Variants in PTPRK observed in about 807,000 individuals in gnomAD.
PTPRK encodes receptor-type tyrosine-protein phosphatase kappa.
Under a neutral mutation model 178.0 loss-of-function variants are expected in PTPRK, and 75 were observed. That is an observed-to-expected ratio of 0.42 (90% CI 0.35 to 0.51). PTPRK has a LOEUF of 0.51. PTPRK is among the 20% of genes least tolerant of loss of function. The pLI is 0.02. For synonymous variants in PTPRK, 637 were observed against 620.6 expected (o/e 1.03, Z -0.39); for missense variants, 1,441 against 1,797.8 (o/e 0.80, Z 3.59).
At chr6:128,022,301 G>A (rs1204293367) in intron 13 of PTPRK, among the ~76,000 whole-genome samples, 2 of 152,110 alleles carry the variant, frequency 1.3e-5, no homozygotes, top group Admixed American at 6.6e-5. Flanking sequence ...AAAACACTGC[G>A]TGTGTTGGTA....
intron 7 of PTPRK, among the ~76,000 whole-genome samples, chr6:128,181,724 G>A (rs551965706): frequency 6.6e-6 from 1 of 152,080 alleles, no homozygotes; most frequent in Non-Finnish European, 1.5e-5. Context: ...GGCCAGTAGT[G>A]GTATTGGTAA....
chr6:128,044,877 C>G (rs1185774326), intron 13 of PTPRK, among the ~76,000 whole-genome samples: 1 of 151,922 alleles, frequency 6.6e-6, no homozygotes, highest in Non-Finnish European at 1.5e-5. Context: ...GTTTCCCCAT[C>G]TGAAATATAA....
At chr6:127,978,430 C>A (rs1327968011) in intron 25 of PTPRK, among the ~76,000 whole-genome samples, 1 of 152,116 alleles carries the variant, frequency 6.6e-6, no homozygotes, top group African/African-American at 2.4e-5. Flanking sequence ...CCCCTTCCTG[C>A]CACCATGAGA....
intron 2 of PTPRK, among the ~76,000 whole-genome samples, chr6:128,387,428 T>C (rs898279518): frequency 6.6e-6 from 1 of 152,226 alleles, no homozygotes; most frequent in Non-Finnish European, 1.5e-5. Context: ...TTAGTAAAGA[T>C]AGCCTCATGG....
chr6:128,418,133 G>A (rs546029766), intron 1 of PTPRK, among the ~76,000 whole-genome samples: 3 of 152,232 alleles, frequency 2.0e-5, no homozygotes, highest in South Asian at 4.2e-4. Flanking sequence ...TATTACAAAG[G>A]TCTAACCATC....
chr6:128,133,026 A>G (rs375746644), intron 7 of PTPRK, among the ~76,000 whole-genome samples: 2 of 152,166 alleles, frequency 1.3e-5, no homozygotes, highest in African/African-American at 2.4e-5. Context: ...TCTAACAAAA[A>G]CTCATTAGTC....
chr6:128,315,692 A>C (rs1827901128), intron 3 of PTPRK, among the ~76,000 whole-genome samples: 1 of 152,208 alleles, frequency 6.6e-6, no homozygotes, highest in Non-Finnish European at 1.5e-5. Flanking sequence ...AATTGAAAAG[A>C]CTACAAATGT....
At chr6:128,374,670 G>A (rs140889338) in intron 2 of PTPRK, among the ~76,000 whole-genome samples, 79 of 152,100 alleles carry the variant, frequency 5.2e-4, no homozygotes, top group African/African-American at 1.9e-3. Context: ...CTCTGACTTG[G>A]ATTATCACAA....
chr6:128,212,189 T>C (rs1302772001), intron 6 of PTPRK, among the ~76,000 whole-genome samples: 1 of 152,088 alleles, frequency 6.6e-6, no homozygotes, highest in African/African-American at 2.4e-5. Flanking sequence ...ACATTTCCTA[T>C]AGAATTAAAT....
At chr6:128,213,569 G>A (rs1221310069) in intron 6 of PTPRK, among the ~76,000 whole-genome samples, 1 of 151,914 alleles carries the variant, frequency 6.6e-6, no homozygotes, top group Non-Finnish European at 1.5e-5. Context: ...TAGAAGAAAA[G>A]GGATCTCAAG....
At chr6:128,126,803 T>C (rs913492195) in intron 7 of PTPRK, among the ~76,000 whole-genome samples, 2 of 152,204 alleles carry the variant, frequency 1.3e-5, no homozygotes, top group African/African-American at 2.4e-5. Context: ...AATAAGATTT[T>C]GAATCAATTA....
chr6:128,300,912 C>T (rs758201627), intron 3 of PTPRK, among the ~76,000 whole-genome samples: 1 of 151,906 alleles, frequency 6.6e-6, no homozygotes, highest in Admixed American at 6.6e-5. Flanking sequence ...TCCCAGATTT[C>T]AACATACACA....
intron 13 of PTPRK, among the ~76,000 whole-genome samples, chr6:128,020,193 C>T (rs377250813): frequency 6.6e-6 from 1 of 152,104 alleles, no homozygotes; most frequent in South Asian, 2.1e-4. Flanking sequence ...ATACCTTCCA[C>T]ATACTGATTA....
At chr6:128,380,080 A>T (rs2128355382) in intron 2 of PTPRK, among the ~76,000 whole-genome samples, 1 of 152,234 alleles carries the variant, frequency 6.6e-6, no homozygotes, top group African/African-American at 2.4e-5. Context: ...CTCAGCCTGG[A>T]TGTAAACCCT....
chr6:128,009,149 T>A lies in PTPRK; in HGVS notation c.2314A>T (p.Ile772Leu), dbSNP rs776453278. 5.6e-6 allele frequency: 9 copies of A among 1,608,704 alleles called. No homozygotes were observed. The Admixed American group carries it at 1.5e-4, about 27-fold the overall frequency. ...LVFILLLLVV[I>L]LIVKKSKLAK... ...CCTTACCTCTTTTTTACAATTAATA[T>A]GACAACTAGGAGAAGGAGGATGAAC... Residue 772 changes from isoleucine to leucine, a missense_variant, in exon 14 of 30, where the codon ATA becomes TTA. By Grantham distance (5) the Ile-to-Leu change is conservative. Coordinates refer to ENST00000368226, the MANE Select transcript of PTPRK (RefSeq NM_002844.4).
At chr6:128,406,031 G>A (rs985459328) in intron 1 of PTPRK, among the ~76,000 whole-genome samples, 1 of 151,676 alleles carries the variant, frequency 6.6e-6, no homozygotes, top group African/African-American at 2.4e-5. Flanking sequence ...CTTTTTTAAG[G>A]AGGATCACTT....
At chr6:128,356,745 TA>T (rs769329839) in intron 2 of PTPRK, among the ~76,000 whole-genome samples, 1 of 152,216 alleles carries the variant, frequency 6.6e-6, no homozygotes, top group Non-Finnish European at 1.5e-5. Context: ...TGATGATGCA[TA>T]AATTTACATT....
At chr6:128,382,085 A>C (rs1334804342) in intron 2 of PTPRK, among the ~76,000 whole-genome samples, 1 of 139,580 alleles carries the variant, frequency 7.2e-6, no homozygotes, top group Non-Finnish European at 1.5e-5. Flanking sequence ...AGGAAGGCTG[A>C]GGTGGGAGGA....
chr6:128,088,374 CAA>C (rs111724466), intron 8 of PTPRK, among the ~76,000 whole-genome samples: 3 of 121,662 alleles, frequency 2.5e-5, no homozygotes, highest in Non-Finnish European at 1.8e-5. Context: ...AAGACTGTTT[CAA>C]AAAAAAAAAA....
Sources: gnomAD v4.1 joint callset for allele counts (sites outside exome capture counted in the v4.1 genomes callset) on GRCh38, gnomAD v4.1.1 for gene constraint, MANE v1.5 for transcripts, NCBI Gene and HGNC (gene_info 2026-07-23, HGNC 2026-07-21) for gene names.